Variants in WIPF3 observed in about 807,000 individuals in gnomAD.
The protein encoded by WIPF3 is WAS/WASL interacting protein family member 3.
In WIPF3, 33 loss-of-function variants were observed where a neutral mutation model predicts 38.9. That is an observed-to-expected ratio of 0.85 (90% CI 0.64 to 1.14). The LOEUF (loss-of-function observed/expected upper bound fraction) is 1.14. Ranked by LOEUF, WIPF3 falls within the 50% of genes most tolerant of loss-of-function variation. The probability of loss-of-function intolerance (pLI) is 0.00; values close to 1 mark genes in which losing one functional copy is unlikely to be tolerated. For missense variants in WIPF3, 711 were observed against 652.5 expected, an observed-to-expected ratio of 1.09 and a Z score of -0.98; for synonymous variants, 324 against 269.3, an observed-to-expected ratio of 1.20 and a Z score of -1.99.
chr7:29,871,194 G>A (rs1785490808), intron 2 of WIPF3, among the ~76,000 whole-genome samples: 2 of 152,164 alleles, frequency 1.3e-5, no homozygotes, highest in Admixed American at 6.5e-5. Flanking sequence ...TCTCTCTTTT[G>A]GATTCCAGGT....
At chr7:29,840,059 C>T (rs993035858) in intron 2 of WIPF3, among the ~76,000 whole-genome samples, 2 of 152,192 alleles carry the variant, frequency 1.3e-5, no homozygotes, top group East Asian at 3.8e-4. Context: ...AAAATATTTA[C>T]AGCCTGGCCC....
intron 8 of WIPF3, among the ~76,000 whole-genome samples, chr7:29,913,145 G>A (rs1479449515): frequency 6.6e-6 from 1 of 152,070 alleles, no homozygotes; most frequent in Non-Finnish European, 1.5e-5. Flanking sequence ...TTGGGAGTTC[G>A]AGACCAGCCT....
intron 1 of WIPF3, among the ~76,000 whole-genome samples, chr7:29,834,171 G>A (rs1017752421): frequency 3.3e-5 from 5 of 152,140 alleles, no homozygotes; most frequent in South Asian, 2.1e-4. Flanking sequence ...AATGACTAGC[G>A]CCCTAAGCCT....
intron 2 of WIPF3, among the ~76,000 whole-genome samples, chr7:29,838,858 G>T (rs1036362482): frequency 1.3e-5 from 2 of 152,162 alleles, no homozygotes; most frequent in Non-Finnish European, 2.9e-5. Flanking sequence ...GTGTGTTATG[G>T]TCATGCTCTA....
intron 2 of WIPF3, among the ~76,000 whole-genome samples, chr7:29,854,557 A>T (rs1785157481): frequency 6.6e-6 from 1 of 152,152 alleles, no homozygotes; most frequent in African/African-American, 2.4e-5. Flanking sequence ...TTAACAGATG[A>T]CGAATCCCTT....
At chr7:29,816,116 CA>C (rs1784454603) in intron 1 of WIPF3, among the ~76,000 whole-genome samples, 1 of 152,108 alleles carries the variant, frequency 6.6e-6, no homozygotes, top group Non-Finnish European at 1.5e-5. Flanking sequence ...ACAGTTGTCC[CA>C]AATAAAGTGT....
chr7:29,904,196 T>G, intron 7 of WIPF3, 90 bp from the exon 8 acceptor site: 2 of 1,270,406 alleles, frequency 1.6e-6, no homozygotes, highest in Non-Finnish European at 1.1e-6. Context: ...TTCATTGTTT[T>G]AAGTGCTGAT....
At chr7:29,902,026 C>T (rs1786292376) in intron 7 of WIPF3, among the ~76,000 whole-genome samples, 1 of 151,882 alleles carries the variant, frequency 6.6e-6, no homozygotes, top group African/African-American at 2.4e-5. Context: ...CTGGGGTGTG[C>T]AACTGGCATC....
chr7:29,813,527 T>A (rs1356737747), intron 1 of WIPF3, among the ~76,000 whole-genome samples: 1 of 152,226 alleles, frequency 6.6e-6, no homozygotes, highest in Non-Finnish European at 1.5e-5. Context: ...ACTTTACTTG[T>A]CCGTAACTTA....
At chr7:29,852,386 C>G (rs754497459) in intron 2 of WIPF3, among the ~76,000 whole-genome samples, 2 of 152,222 alleles carry the variant, frequency 1.3e-5, no homozygotes, top group African/African-American at 2.4e-5. Flanking sequence ...ATGACCATAC[C>G]ACATCAGCTT....
At chr7:29,863,138 C>A (rs552353881) in intron 2 of WIPF3, among the ~76,000 whole-genome samples, 13 of 152,268 alleles carry the variant, frequency 8.5e-5, no homozygotes, top group African/African-American at 2.4e-4. Flanking sequence ...AATTGCAACA[C>A]ATGCATAGAT....
intron 2 of WIPF3, among the ~76,000 whole-genome samples, chr7:29,839,671 C>T (rs1291638875): frequency 6.6e-6 from 1 of 152,138 alleles, no homozygotes; most frequent in Non-Finnish European, 1.5e-5. Context: ...TTTTTATCGT[C>T]CTCCAGCTAA....
intron 2 of WIPF3, among the ~76,000 whole-genome samples, chr7:29,854,606 C>T (rs1305727426): frequency 6.6e-6 from 1 of 152,170 alleles, no homozygotes; most frequent in Non-Finnish European, 1.5e-5. Flanking sequence ...CAGAAGTGAC[C>T]TGGGCCAGGT....
At chr7:29,829,418 C>G (rs1183034484) in intron 1 of WIPF3, among the ~76,000 whole-genome samples, 1 of 151,958 alleles carries the variant, frequency 6.6e-6, no homozygotes, top group Admixed American at 6.6e-5. Context: ...GGGGTTTCAC[C>G]ATGTTGGCCA....
At chr7:29,836,514 T>C (rs1015599145) in intron 2 of WIPF3, among the ~76,000 whole-genome samples, 21 of 152,234 alleles carry the variant, frequency 1.4e-4, no homozygotes, top group African/African-American at 4.6e-4. Context: ...GGTAGTTTTA[T>C]TTTTGAGACT....
At chr7:29,863,545 G>A (rs983994936) in intron 2 of WIPF3, among the ~76,000 whole-genome samples, 1 of 152,298 alleles carries the variant, frequency 6.6e-6, no homozygotes, top group South Asian at 2.1e-4. Flanking sequence ...TCATTTTGAT[G>A]ATTCTAGTTC....
At chr7:29,837,312 C>T (rs1784821305) in intron 2 of WIPF3, among the ~76,000 whole-genome samples, 1 of 152,120 alleles carries the variant, frequency 6.6e-6, no homozygotes, top group Non-Finnish European at 1.5e-5. Flanking sequence ...GCCGAGACCA[C>T]GCCACTGCAC....
intron 8 of WIPF3, among the ~76,000 whole-genome samples, chr7:29,907,215 A>C (rs991965851): frequency 1.3e-5 from 2 of 152,224 alleles, no homozygotes; most frequent in Non-Finnish European, 2.9e-5. Context: ...TTAGTTTAAA[A>C]GCTAGTGTTA....
intron 2 of WIPF3, among the ~76,000 whole-genome samples, chr7:29,860,113 G>A (rs2128070413): frequency 6.6e-6 from 1 of 152,316 alleles, no homozygotes; most frequent in South Asian, 2.1e-4. Flanking sequence ...TAAGTCTGTG[G>A]ATGTCTGATC....
Sources: allele counts gnomAD v4.1 joint callset (sites outside exome capture counted in the v4.1 genomes callset), GRCh38; gene constraint gnomAD v4.1.1; transcripts MANE v1.5; gene names NCBI Gene and HGNC (gene_info 2026-07-23, HGNC 2026-07-21).